RNF220: variants seen among roughly 807,000 people sequenced by gnomAD.
RNF220 encodes E3 ubiquitin-protein ligase RNF220.
A neutral mutation model predicts 67.1 loss-of-function variants in RNF220; 7 were observed. The ratio of observed to expected loss-of-function variants is 0.10; its 90% confidence interval spans 0.06 to 0.20. RNF220 has a LOEUF of 0.20. RNF220 is among the 10% of genes least tolerant of loss of function. The pLI, the probability that RNF220 is intolerant of heterozygous loss-of-function variation, is 1.00. For missense variants in RNF220, 565 were observed against 740.3 expected (o/e 0.76, Z 2.75); for synonymous variants, 270 against 283.2 (o/e 0.95, Z 0.47).
chr1:44,500,059 CAG>C (rs1483702653), intron 2 of RNF220, among the ~76,000 whole-genome samples: 2 of 152,198 alleles, frequency 1.3e-5, no homozygotes, highest in South Asian at 2.1e-4. Flanking sequence ...ACAATTTCAA[CAG>C]AGTCCTTAGG....
chr1:44,591,326 T>G (rs556565799), intron 2 of RNF220, among the ~76,000 whole-genome samples: 1 of 152,314 alleles, frequency 6.6e-6, no homozygotes, highest in South Asian at 2.1e-4. Flanking sequence ...GTGTGCAAGG[T>G]GAGAGGCAGC....
At chr1:44,409,061 C>A (rs1018132551) in intron 1 of RNF220, among the ~76,000 whole-genome samples, 1 of 152,258 alleles carries the variant, frequency 6.6e-6, no homozygotes, top group Non-Finnish European at 1.5e-5. Flanking sequence ...TTTTCACGTT[C>A]CAAACGCGGA....
At chr1:44,555,224 C>T (rs370516249) in intron 2 of RNF220, among the ~76,000 whole-genome samples, 7 of 152,152 alleles carry the variant, frequency 4.6e-5, no homozygotes, top group East Asian at 1.9e-4. Context: ...CACGACACCA[C>T]GCCTAGCTAA....
At chr1:44,549,880 A>G (rs925643958) in intron 2 of RNF220, among the ~76,000 whole-genome samples, 1 of 152,212 alleles carries the variant, frequency 6.6e-6, no homozygotes. Flanking sequence ...TCTGAAGAGA[A>G]GTAGCAGGAC....
intron 2 of RNF220, among the ~76,000 whole-genome samples, chr1:44,566,250 A>G (rs2148303739): frequency 6.6e-6 from 1 of 152,260 alleles, no homozygotes; most frequent in African/African-American, 2.4e-5. Flanking sequence ...GCTTTCAGAG[A>G]GGGTCCCTCT....
At chr1:44,598,901 A>C (rs998553972) in intron 2 of RNF220, among the ~76,000 whole-genome samples, 1 of 152,098 alleles carries the variant, frequency 6.6e-6, no homozygotes, top group African/African-American at 2.4e-5. Flanking sequence ...AGGTTTCGGC[A>C]TTGCCTCAAT....
chr1:44,569,350 A>G (rs1468887345), intron 2 of RNF220, among the ~76,000 whole-genome samples: 1 of 152,204 alleles, frequency 6.6e-6, no homozygotes, highest in Admixed American at 6.5e-5. Context: ...TCAGCAGAAA[A>G]TCGCCTGGGA....
chr1:44,471,988 A>G (rs758039700), intron 2 of RNF220, among the ~76,000 whole-genome samples: 2 of 152,044 alleles, frequency 1.3e-5, no homozygotes, highest in South Asian at 2.1e-4. Flanking sequence ...TTTTGTGTCT[A>G]GCTTGTTTCT....
rs369159351 is a variant in RNF220, at chr1:44,602,081, G to C, written c.626-12084G>C. Among the ~76,000 whole-genome samples the C allele has an allele frequency of 5.5e-4, 84 of 152,228 alleles. 1 individual carries two copies. Among genetic ancestry groups the C allele is most frequent in the Middle Eastern group, 3.4e-3 (1 of 294 alleles). On this transcript the variant is annotated intron_variant, in intron 2 of 14. Transcript: ENST00000361799. ...GGATACAAGTCTTTGAGAGGGCTTG[G>C]GGGAGAGGGAGTTCCGTCACGGGTT... is the stretch of plus-strand genomic sequence containing the variant.
chr1:44,523,176 C>A (rs896063970), intron 2 of RNF220, among the ~76,000 whole-genome samples: 5 of 152,228 alleles, frequency 3.3e-5, no homozygotes, highest in African/African-American at 1.2e-4. Context: ...GGGGCTTCCA[C>A]ATCCTGCCCA....
intron 2 of RNF220, chr1:44,419,555 A>G (rs944903013): frequency 6.6e-6 from 1 of 152,226 alleles, no homozygotes; most frequent in African/African-American, 2.4e-5. Context: ...GGTACCAATC[A>G]TCTAAAAGGG....
chr1:44,562,318 G>A (rs559305871), intron 2 of RNF220, among the ~76,000 whole-genome samples: 1 of 152,296 alleles, frequency 6.6e-6, no homozygotes, highest in South Asian at 2.1e-4. Context: ...GAGCAGTGCG[G>A]GGAATCCAGG....
chr1:44,618,523 A>G lies in RNF220; in HGVS notation c.759-4219A>G, dbSNP rs549981448. On this transcript the variant is annotated intron_variant, in intron 3 of 14. Coordinates refer to ENST00000361799, the MANE Select transcript of RNF220 (RefSeq NM_018150.4). ...CCATCCTTTATCTTTCCCCTTCTCAACCCCTTCACAGGGGTTCCATCAGAC... is the reference window on the plus strand; with the variant it reads ...CCATCCTTTATCTTTCCCCTTCTCAGCCCCTTCACAGGGGTTCCATCAGAC... 5.9e-5 allele frequency among the ~76,000 whole-genome samples: 9 copies of G among 152,136 alleles called. No individual in the cohort carries two copies. In the South Asian group the frequency reaches 1.9e-3, roughly 32 times the overall value.
rs770723529 is a variant in RNF220 at position 44,614,269 on chromosome 1, C to A, written c.730C>A (p.Leu244Met). ...SELQEHMEQE[L>M]EQLAQLPSSK... is the part of the protein sequence containing the mutation. ...GCTGCAGGAGCATATGGAGCAGGAA[C>A]TGGAGCAGCTAGCCCAACTGCCCTC... Residue 244 changes from leucine to methionine, a missense_variant, in exon 3 of 15, where the codon CTG (leucine) becomes ATG (methionine). Leu to Met is a conservative substitution (Grantham distance 15). Transcript: ENST00000361799. 5 of 1,613,998 alleles carry A rather than the reference C, an allele frequency of 3.1e-6. No individual in the cohort carries two copies. Among genetic ancestry groups the A allele is most frequent in the Non-Finnish European group, 4.2e-6 (5 of 1,179,988 alleles).
At chr1:44,415,514 C>T (rs1380430456) in intron 2 of RNF220, among the ~76,000 whole-genome samples, 1 of 152,150 alleles carries the variant, frequency 6.6e-6, no homozygotes, top group East Asian at 1.9e-4. Flanking sequence ...TACACACACA[C>T]ACACACACAC....
intron 2 of RNF220, among the ~76,000 whole-genome samples, chr1:44,490,884 A>C (rs1016145350): frequency 6.6e-6 from 1 of 152,174 alleles, no homozygotes; most frequent in Non-Finnish European, 1.5e-5. Context: ...TTACTAAATC[A>C]GGAATGGAAG....
intron 2 of RNF220, among the ~76,000 whole-genome samples, chr1:44,546,578 C>T (rs991443370): frequency 8.5e-5 from 13 of 152,194 alleles, no homozygotes; most frequent in Non-Finnish European, 1.8e-4. Context: ...TGTTGCTCCC[C>T]TAATGCTGTA....
rs144556779 is a variant in RNF220 at position 44,514,112 on chromosome 1, G to A, written c.626-100053G>A. ...TAAATATAACCAAGTAATAGATCAA[G>A]TAGCTATATTTGTTTAGTGTCTAAC... On this transcript the variant is annotated intron_variant, in intron 2 of 14. Transcript: ENST00000361799. 7.0e-3 allele frequency among the ~76,000 whole-genome samples: 1,064 copies of A among 152,306 alleles called. 7 individuals are homozygous for A. Among genetic ancestry groups the A allele is most frequent in the Middle Eastern group, 0.024 (7 of 294 alleles).
At chr1:44,468,080 TC>T (rs528962179) in intron 2 of RNF220, among the ~76,000 whole-genome samples, 2 of 145,964 alleles carry the variant, frequency 1.4e-5, no homozygotes, top group Non-Finnish European at 3.0e-5. Context: ...AATGGTAACA[TC>T]AAAGATCAAG....
Sources: gnomAD v4.1 joint callset for allele counts (sites outside exome capture counted in the v4.1 genomes callset) on GRCh38, gnomAD v4.1.1 for gene constraint, MANE v1.5 for transcripts, NCBI Gene and HGNC (gene_info 2026-07-23, HGNC 2026-07-21) for gene names.